Variants in RORA observed in about 807,000 individuals in gnomAD.
RORA encodes RAR related orphan receptor A.
A neutral mutation model predicts 69.5 loss-of-function variants in RORA; 7 were observed. The ratio of observed to expected loss-of-function variants is 0.10; its 90% CI spans 0.06 to 0.19. The LOEUF is 0.19. RORA is among the 10% of genes least tolerant of loss of function. The pLI is 1.00. For synonymous variants in RORA, 261 were observed against 240.8 expected (o/e 1.08, Z -0.78); for missense variants, 457 against 663.0 (o/e 0.69, Z 3.41).
chr15:60,767,114 C>A (rs929770656), intron 1 of RORA, among the ~76,000 whole-genome samples: 1 of 152,202 alleles, frequency 6.6e-6, no homozygotes, highest in Non-Finnish European at 1.5e-5. Flanking sequence ...GTGCTTCAAG[C>A]TTCTCTTGGA....
At chr15:60,714,262 T>G (rs993862759) in intron 1 of RORA, among the ~76,000 whole-genome samples, 1 of 152,054 alleles carries the variant, frequency 6.6e-6, no homozygotes, top group Admixed American at 6.5e-5. Flanking sequence ...TTTCGCCACA[T>G]TGACCAGCCT....
At chr15:60,841,233 G>A (rs1420831346) in intron 1 of RORA, 1 of 221,418 alleles carries the variant, frequency 4.5e-6, no homozygotes, top group Non-Finnish European at 7.6e-6. Flanking sequence ...ACCCTCTCGG[G>A]GCCTCAGGCA....
intron 1 of RORA, among the ~76,000 whole-genome samples, chr15:61,162,921 T>C (rs564789978): frequency 6.6e-6 from 1 of 152,202 alleles, no homozygotes; most frequent in Non-Finnish European, 1.5e-5. Flanking sequence ...CTACATTTAA[T>C]AGGGTCAGAG....
intron 1 of RORA, among the ~76,000 whole-genome samples, chr15:60,838,843 AACACACACACACACACAC>A (rs58762022): frequency 6.6e-5 from 8 of 122,084 alleles, no homozygotes; most frequent in African/African-American, 2.2e-4. Context: ...ACATTCATTC[AACACACACACACACACAC>A]ACACACACAC....
At chr15:61,090,830 C>A (rs1197553249) in intron 1 of RORA, among the ~76,000 whole-genome samples, 2 of 152,248 alleles carry the variant, frequency 1.3e-5, no homozygotes, top group East Asian at 3.9e-4. Flanking sequence ...GTTATTCACC[C>A]CTGCCTGATA....
intron 1 of RORA, among the ~76,000 whole-genome samples, chr15:61,221,584 C>G (rs2080096856): frequency 6.6e-6 from 1 of 152,218 alleles, no homozygotes; most frequent in Non-Finnish European, 1.5e-5. Flanking sequence ...AAGTTTCAGA[C>G]TGTCATTTAT....
intron 1 of RORA, among the ~76,000 whole-genome samples, chr15:61,031,411 C>G (rs1308326828): frequency 2.6e-5 from 4 of 152,130 alleles, no homozygotes; most frequent in Non-Finnish European, 2.9e-5. Context: ...TGGTAACACT[C>G]TTGGTCTGGT....
chr15:60,723,047 T>C (rs74568080), intron 1 of RORA, among the ~76,000 whole-genome samples: 52 of 152,282 alleles, frequency 3.4e-4, no homozygotes, highest in Non-Finnish European at 2.9e-4. Context: ...GATCTGTCCT[T>C]AGGCTGCTGA....
At chr15:60,977,391 TTAAG>T (rs1394421085) in intron 1 of RORA, among the ~76,000 whole-genome samples, 4 of 152,220 alleles carry the variant, frequency 2.6e-5, no homozygotes, top group Middle Eastern at 3.4e-3. Context: ...CAAATTACAT[TTAAG>T]TAAGTATATA....
At chr15:60,569,617 C>T (rs1311570871) in intron 2 of RORA, among the ~76,000 whole-genome samples, 1 of 152,096 alleles carries the variant, frequency 6.6e-6, no homozygotes, top group Non-Finnish European at 1.5e-5. Context: ...AGAAAAATGA[C>T]AATTAGTCTC....
At chr15:60,568,640 G>A (rs2067784727) in intron 2 of RORA, among the ~76,000 whole-genome samples, 2 of 152,190 alleles carry the variant, frequency 1.3e-5, no homozygotes, top group Non-Finnish European at 2.9e-5. Context: ...ACAGATCCTG[G>A]AACACATCAG....
chr15:60,551,025 T>C (rs1484197177), intron 2 of RORA, among the ~76,000 whole-genome samples: 1 of 152,192 alleles, frequency 6.6e-6, no homozygotes, highest in African/African-American at 2.4e-5. Flanking sequence ...TACAAAGTCA[T>C]AAAAAGTGGT....
intron 1 of RORA, among the ~76,000 whole-genome samples, chr15:60,911,485 A>G (rs978863498): frequency 1.3e-5 from 2 of 152,162 alleles, no homozygotes; most frequent in Non-Finnish European, 2.9e-5. Flanking sequence ...ATCTTAGGGG[A>G]AAGCCCTTCT....
In RORA at chr15:60,713,390, G is replaced by A. The variant is rs185624072; in HGVS notation, c.167-34704C>T. On this transcript the variant is annotated intron_variant, in intron 1 of 10. Coordinates refer to ENST00000335670, the MANE Select transcript of RORA (RefSeq NM_134261.3). ...AGTTTGGCAAAAAGACAAAGGGAAT[G>A]TTTAATTCTGTACTTAAAATTCTTG... Among the ~76,000 whole-genome samples the A allele has an allele frequency of 4.1e-3, 631 of 152,276 alleles. 4 individuals carry two copies. The highest frequency in any genetic ancestry group is 0.015 in the African/African-American group (616 of 41,564).
chr15:60,819,771 A>ACGCG (rs930497526), intron 1 of RORA, among the ~76,000 whole-genome samples: 1 of 151,170 alleles, frequency 6.6e-6, no homozygotes, highest in African/African-American at 2.4e-5. Context: ...ACACACACAC[A>ACGCG]CACACACACA....
At chr15:60,557,234 C>T (rs966664008) in intron 2 of RORA, among the ~76,000 whole-genome samples, 4 of 152,230 alleles carry the variant, frequency 2.6e-5, no homozygotes, top group African/African-American at 9.6e-5. Context: ...TGCATTATCC[C>T]TCTATAGTCA....
chr15:61,195,900 G>A (rs1325922398), intron 1 of RORA: 1 of 152,220 alleles, frequency 6.6e-6, no homozygotes, highest in East Asian at 1.9e-4. Context: ...TGTCAAAAGG[G>A]ACGAAATGTC....
chr15:60,495,560 T>G lies in RORA; in HGVS notation c.*1895A>C, dbSNP rs2065146845. The G allele has an allele frequency of 6.6e-6, 1 of 152,236 alleles. No homozygotes were observed. Among genetic ancestry groups the G allele is most frequent in the South Asian group, 2.1e-4 (1 of 4,836 alleles). 9.4% of individuals were successfully genotyped at this position (152,236 alleles called of 1,614,324 possible). A position where few individuals can be genotyped will look rare whatever the true frequency, so the allele number is the denominator to read the frequency against. On this transcript the variant is annotated 3_prime_UTR_variant, in exon 11 of 11. Coordinates refer to ENST00000335670, the MANE Select transcript of RORA (RefSeq NM_134261.3). ...GTGAAGTGCTCTGGGAAGCCCATGCTGGTAACCTAGCATGACGTGAAGAGC... is the reference window on the plus strand; with the variant it reads ...GTGAAGTGCTCTGGGAAGCCCATGCGGGTAACCTAGCATGACGTGAAGAGC...
At chr15:60,832,633 C>A (rs1429349274) in intron 1 of RORA, among the ~76,000 whole-genome samples, 1 of 151,846 alleles carries the variant, frequency 6.6e-6, no homozygotes, top group Non-Finnish European at 1.5e-5. Flanking sequence ...ACTAATGTAT[C>A]TAATTGCATA....
Sources: gnomAD v4.1 joint callset for allele counts (sites outside exome capture counted in the v4.1 genomes callset) on GRCh38, gnomAD v4.1.1 for gene constraint, MANE v1.5 for transcripts, NCBI Gene and HGNC (gene_info 2026-07-23, HGNC 2026-07-21) for gene names.